LIG3: variants seen among roughly 807,000 people sequenced by gnomAD.
The protein encoded by LIG3 is ligase II, DNA, ATP-dependent.
A neutral mutation model predicts 110.9 loss-of-function variants in LIG3; 58 were observed. The ratio of observed to expected loss-of-function variants is 0.52; its 90% CI spans 0.42 to 0.65. The LOEUF (loss-of-function observed/expected upper bound fraction) is 0.65, where lower values mean the gene tolerates loss of function less well. Among genes scored for constraint, LIG3 ranks in the 30% least tolerant of loss-of-function variants. The pLI is 0.00. For synonymous variants in LIG3, 422 were observed against 472.8 expected (o/e 0.89, Z 1.39); for missense variants, 1,094 against 1,273.8 (o/e 0.86, Z 2.15).
At chr17:34,992,835 G>T in intron 8 of LIG3, 143 bp downstream of exon 8, 1 of 793,710 alleles carries the variant, frequency 1.3e-6, no homozygotes, top group Non-Finnish European at 1.8e-6. Context: ...GTGCAAGGGG[G>T]TATTTCTCTG....
At chr17:34,980,772 C>G (rs1023809337) in intron 1 of LIG3, 150 bp downstream of exon 1, 5 of 267,416 alleles carry the variant, frequency 1.9e-5, no homozygotes, top group Non-Finnish European at 2.9e-5. Flanking sequence ...CCCTCCGTGA[C>G]GTGGCGGCCC....
Position 35,008,264 on chromosome 17 carries a change from T to C in LIG3, c.*3758T>C, listed in dbSNP as rs2090909623. On this transcript the variant is annotated 3_prime_UTR_variant, in exon 20 of 20. Transcript: ENST00000378526. ...TCATCCTTTACCTACCCAGCTCTCA[T>C]TCTCTTCTAGGTTGTTCCATGGCCT... 6.6e-6 allele frequency: 1 copy of C among 152,250 alleles called. No homozygotes were observed. Among genetic ancestry groups the C allele is most frequent in the Non-Finnish European group, 1.5e-5 (1 of 68,074 alleles). 9.4% of individuals were successfully genotyped at this position (152,250 alleles called of 1,614,324 possible).
intron 18 of LIG3, 101 bp from the exon 19 acceptor site, chr17:35,002,567 T>A: frequency 7.7e-7 from 1 of 1,296,816 alleles, no homozygotes; most frequent in Non-Finnish European, 1.1e-6. Context: ...GGCACGACCA[T>A]AGCTCACTGC....
At chr17:35,002,631 G>A (rs2090855418) in intron 18 of LIG3, 37 bp from the exon 19 acceptor site, 4 of 1,599,744 alleles carry the variant, frequency 2.5e-6, no homozygotes, top group Admixed American at 1.7e-5. Context: ...GACTATAGGT[G>A]TGCACCACCA....
intron 11 of LIG3, 152 bp from the exon 12 acceptor site, chr17:34,997,586 C>T: frequency 1.6e-6 from 1 of 625,028 alleles, no homozygotes; most frequent in Non-Finnish European, 2.9e-6. Flanking sequence ...CCTTGTAGCC[C>T]TTGACAGCAG....
At position 34,990,979 on chromosome 17, in the gene LIG3, T is replaced by C; in HGVS notation, c.906T>C (p.Asp302=). ...TGTCTCCAGATGGTTTCCACGGTGA[T>C]GTGTACCTAACAGTGAAGCTGCTGC... is the stretch of plus-strand genomic sequence containing the variant. ...KGSAGDGFHG[D]VYLTVKLLLP... Residue 302 remains aspartate, a synonymous_variant, in exon 5 of 20, where the codon GAT becomes GAC. Transcript: ENST00000378526. The C allele has an allele frequency of 6.2e-7, 1 of 1,614,086 alleles. No individual in the cohort carries two copies. The highest frequency in any genetic ancestry group is 8.5e-7 in the Non-Finnish European group (1 of 1,179,916).
chr17:34,994,549 T>C, intron 9 of LIG3, 118 bp downstream of exon 9: 1 of 1,022,204 alleles, frequency 9.8e-7, no homozygotes, highest in African/African-American at 1.6e-5. Context: ...TGTTTTTTAT[T>C]TGTTGAATGA....
rs1430312721 is a variant in LIG3 at position 34,992,680 on chromosome 17, G to C, written c.1443G>C (p.Val481=). ...TCCAGGCCTCGCTGATGACACCTGT[G>C]CAGCCCATGTTGGTGAGGAGTGCTC... ...LSVQASLMTP[V]QPMLAEACKS... is the part of the protein sequence containing the mutation. Residue 481 remains valine, a synonymous_variant, in exon 8 of 20, where the codon GTG becomes GTC. Coordinates refer to ENST00000378526, the MANE Select transcript of LIG3 (RefSeq NM_013975.4). The C allele has an allele frequency of 6.3e-7, 1 of 1,598,014 alleles. No homozygotes were observed. The highest frequency in any genetic ancestry group is 1.8e-5 in the Admixed American group (1 of 56,808).
chr17:35,005,722 C>A lies in LIG3; in HGVS notation c.*1216C>A. 1 of 562,316 alleles carries A rather than the reference C, an allele frequency of 1.8e-6. No individual in the cohort carries two copies. The highest frequency in any genetic ancestry group is 1.4e-5 in the South Asian group (1 of 72,556). 34.8% of individuals were successfully genotyped at this position (562,316 alleles called of 1,614,324 possible). On this transcript the variant is annotated 3_prime_UTR_variant, in exon 20 of 20. Coordinates refer to ENST00000378526, the MANE Select transcript of LIG3 (RefSeq NM_013975.4). ...GGAGTATTCATGTGAATGAAACTGC[C>A]GGGCTATCTGATGGGTTAGAGCGCC...
At chr17:34,996,040 C>T (rs2090773805) in intron 9 of LIG3, 24 bp from the exon 10 acceptor site, 2 of 1,606,846 alleles carry the variant, frequency 1.2e-6, no homozygotes, top group Admixed American at 1.7e-5. Context: ...TCATCCCTCA[C>T]CAAAGCTCCC....
downstream of LIG3, chr17:35,009,835 T>G (rs1486267674): frequency 1.3e-5 from 2 of 152,688 alleles, no homozygotes; most frequent in Non-Finnish European, 2.9e-5. Flanking sequence ...AAGTTACTGC[T>G]AGATCTTAGC....
chr17:35,002,241 T>G, intron 18 of LIG3, 137 bp downstream of exon 18: 1 of 775,160 alleles, frequency 1.3e-6, no homozygotes, highest in Non-Finnish European at 2.0e-6. Context: ...ACAGACTACA[T>G]TCCTGGTGTG....
At chr17:34,996,824 A>G (rs1248923293) in intron 11 of LIG3, among the ~76,000 whole-genome samples, 171 bp downstream of exon 11, 2 of 152,224 alleles carry the variant, frequency 1.3e-5, no homozygotes, top group African/African-American at 4.8e-5. Flanking sequence ...GCTGAGAGGA[A>G]GCACAATTGC....
At chr17:34,998,750 G>C (rs1349589347) in intron 14 of LIG3, 23 bp downstream of exon 14, 19 of 1,610,128 alleles carry the variant, frequency 1.2e-5, no homozygotes, top group Non-Finnish European at 1.6e-5. Flanking sequence ...TCTGCCCCCT[G>C]GGGTGGTACT....
chr17:34,982,951 C>A, intron 1 of LIG3, 51 bp from the exon 2 acceptor site: 2 of 1,434,854 alleles, frequency 1.4e-6, no homozygotes, highest in Non-Finnish European at 1.9e-6. Flanking sequence ...AAGCCTATCT[C>A]CTTGTTTATA....
intron 1 of LIG3, chr17:34,981,224 C>T (rs1333842277): frequency 6.6e-6 from 1 of 152,416 alleles, no homozygotes. Flanking sequence ...CCCAGCGCCT[C>T]CCGAGCCTCC....
At chr17:34,989,232 G>T (rs1567687574) in intron 3 of LIG3, among the ~76,000 whole-genome samples, 1 of 151,914 alleles carries the variant, frequency 6.6e-6, no homozygotes, top group Non-Finnish European at 1.5e-5. Context: ...CTTTTGCTTG[G>T]GTCTAAGGAG....
chr17:34,995,501 T>C (rs1232321955), intron 9 of LIG3, among the ~76,000 whole-genome samples: 1 of 152,168 alleles, frequency 6.6e-6, no homozygotes, highest in East Asian at 1.9e-4. Context: ...CTTAAAGGGC[T>C]AGGTTAGGGA....
At chr17:34,999,258 G>C (rs1239975393) in intron 14 of LIG3, 49 bp from the exon 15 acceptor site, 2 of 1,575,352 alleles carry the variant, frequency 1.3e-6, no homozygotes, top group Admixed American at 3.4e-5. Context: ...TCTTGGGACT[G>C]GCAGAGATGG....
Sources: allele counts gnomAD v4.1 joint callset (sites outside exome capture counted in the v4.1 genomes callset), GRCh38; gene constraint gnomAD v4.1.1; transcripts MANE v1.5; gene names NCBI Gene and HGNC (gene_info 2026-07-23, HGNC 2026-07-21).